The following PRSS38 variants were observed in gnomAD, a reference collection of about 807,000 sequenced individuals.
PRSS38 encodes the protein serine protease 38.
PRSS38 carries 22 observed loss-of-function variants against 26.8 expected under a neutral mutation model. The ratio of observed to expected loss-of-function variants is 0.82; its 90% CI spans 0.59 to 1.17. The LOEUF (loss-of-function observed/expected upper bound fraction) is 1.17. PRSS38 is among the 50% of genes most tolerant of loss of function. The pLI is 0.00. For missense variants in PRSS38, 427 were observed against 422.7 expected, an observed-to-expected ratio of 1.01 and a Z score of -0.09; for synonymous variants, 175 against 172.1, an observed-to-expected ratio of 1.02 and a Z score of -0.13.
At chr1:227,823,571 C>A (rs1665031529) in intron 3 of PRSS38, among the ~76,000 whole-genome samples, 1 of 152,134 alleles carries the variant, frequency 6.6e-6, no homozygotes, top group Non-Finnish European at 1.5e-5. Context: ...GGGGTGGATT[C>A]CTCATGAATG....
Position 227,816,049 on chromosome 1 carries a change from G to A in PRSS38, c.149-41G>A, listed in dbSNP as rs1664907608. The A allele has an allele frequency of 6.3e-7, 1 of 1,589,828 alleles. No individual in the cohort carries two copies. Among genetic ancestry groups the A allele is most frequent in the Non-Finnish European group, 8.6e-7 (1 of 1,164,640 alleles). ...CCCTGCCTGCCCTACCTCTCCCGTGGCCCCAGCATGGCTCCACCGTCAGCT... is the reference window on the plus strand; with the variant it reads ...CCCTGCCTGCCCTACCTCTCCCGTGACCCCAGCATGGCTCCACCGTCAGCT... On this transcript the variant is annotated intron_variant, in intron 1 of 4. Transcript: ENST00000366757. The surrounding 1 kb of genome is among the most constrained non-coding windows in gnomAD (Gnocchi z 5.1).
chr1:227,845,756 T>C, intron 4 of PRSS38, 144 bp downstream of exon 4: 19 of 1,206,594 alleles, frequency 1.6e-5, no homozygotes, highest in Non-Finnish European at 2.2e-5. Flanking sequence ...TGACAATGTG[T>C]GAACGCCGCA....
intron 3 of PRSS38, among the ~76,000 whole-genome samples, chr1:227,825,307 T>C (rs1287826507): frequency 6.6e-6 from 1 of 152,202 alleles, no homozygotes; most frequent in African/African-American, 2.4e-5. Flanking sequence ...TTGTCCTGCC[T>C]CAGCCTCTGG....
chr1:227,822,832 T>A (rs1467375093), intron 3 of PRSS38, among the ~76,000 whole-genome samples: 2 of 152,250 alleles, frequency 1.3e-5, no homozygotes, highest in Non-Finnish European at 2.9e-5. Flanking sequence ...CAGGTTTACT[T>A]ATGAGCATGT....
rs779451253 is a variant in PRSS38 at position 227,816,579 on chromosome 1, G to A, written c.311+327G>A. Among the ~76,000 whole-genome samples, 1 of 151,468 alleles carries A rather than the reference G, an allele frequency of 6.6e-6. No homozygotes were observed. The highest frequency in any genetic ancestry group is 1.9e-4 in the East Asian group (1 of 5,150). On this transcript the variant is annotated intron_variant, in intron 2 of 4. Transcript: ENST00000366757. This position sits in a 1 kb window ranked among gnomAD's most constrained non-coding sequence, Gnocchi z 5.1. ...CCATGAGCTAGGTTGGTCCTCAAAT[G>A]CACAGCCTGGTCCCCATGTGCAAGG...
intron 4 of PRSS38, 24 bp downstream of exon 4, chr1:227,845,636 A>T: frequency 1.9e-6 from 3 of 1,607,268 alleles, no homozygotes; most frequent in Non-Finnish European, 2.6e-6. Flanking sequence ...GGTCCATGAG[A>T]CAGAGGTCAT....
Position 227,816,087 on chromosome 1 carries a change from C to T in PRSS38, c.149-3C>T, listed in dbSNP as rs770632282. On this transcript the variant is annotated splice_polypyrimidine_tract_variant and splice_region_variant and intron_variant, in intron 1 of 4. Coordinates refer to ENST00000366757, the Ensembl canonical transcript of PRSS38. The surrounding 1 kb of genome is among the most constrained non-coding windows in gnomAD (Gnocchi z 5.1). ...TCCACCGTCAGCTCCGTTCTCCCTG[C>T]AGCCTGTGGTCGGCCCAGCATGGAG... 2 of 1,611,200 alleles carry T rather than the reference C, an allele frequency of 1.2e-6. No homozygotes were observed. The highest frequency in any genetic ancestry group is 1.3e-5 in the African/African-American group (1 of 74,840).
chr1:227,826,800 A>G (rs1174884119), intron 3 of PRSS38, among the ~76,000 whole-genome samples: 2 of 151,980 alleles, frequency 1.3e-5, no homozygotes, highest in Non-Finnish European at 2.9e-5. Context: ...TTGCCCATTC[A>G]GTATGATATT....
chr1:227,817,428 C>T, exon 3 of PRSS38: 1 of 1,614,150 alleles, frequency 6.2e-7, no homozygotes, highest in Non-Finnish European at 8.5e-7. Flanking sequence ...CAGAAGTGAA[C>T]CTTACCAGTG....
chr1:227,816,348 C>T lies in PRSS38; in HGVS notation c.311+96C>T, dbSNP rs1300685668. On this transcript the variant is annotated intron_variant, in intron 2 of 4. Coordinates refer to ENST00000366757, the Ensembl canonical transcript of PRSS38. The surrounding 1 kb of genome is among the most constrained non-coding windows in gnomAD (Gnocchi z 5.1). The stretch of plus-strand genomic sequence containing the variant: ...GACCCCACGCAAGCCTCCCCCATCA[C>T]CATTGTCGACTCCCTTCACCACTGT... The T allele has an allele frequency of 3.8e-6, 5 of 1,322,922 alleles. No individual in the cohort carries two copies. Among genetic ancestry groups the T allele is most frequent in the Non-Finnish European group, 4.2e-6 (4 of 954,632 alleles). The allele number at this position is 1,322,922 out of a possible 1,614,324, so 81.9% of individuals were successfully genotyped here. A position where few individuals can be genotyped will look rare whatever the true frequency, so the allele number is the denominator to read the frequency against.
chr1:227,815,777 C>T (rs1664900629), exon 1 of PRSS38: 2 of 1,612,014 alleles, frequency 1.2e-6, no homozygotes, highest in Admixed American at 1.7e-5. Context: ...CCTTCTGCTG[C>T]TGCTCCTGGT....
chr1:227,819,407 G>A (rs1664969655), intron 3 of PRSS38, among the ~76,000 whole-genome samples: 1 of 152,156 alleles, frequency 6.6e-6, no homozygotes, highest in Non-Finnish European at 1.5e-5. Context: ...TACAGGCTTT[G>A]AATTCTTACA....
At chr1:227,831,297 T>G (rs1003488852) in intron 3 of PRSS38, among the ~76,000 whole-genome samples, 2 of 152,236 alleles carry the variant, frequency 1.3e-5, no homozygotes, top group African/African-American at 2.4e-5. Context: ...TTCTTAATTT[T>G]AAGTATTTGG....
At chr1:227,820,794 GATTA>G (rs1440843905) in intron 3 of PRSS38, among the ~76,000 whole-genome samples, 1 of 152,090 alleles carries the variant, frequency 6.6e-6, no homozygotes, top group Non-Finnish European at 1.5e-5. Context: ...GATAAAGATT[GATTA>G]ATTCTTCTTT....
At position 227,816,294 on chromosome 1, in the gene PRSS38, T is replaced by C; in HGVS notation, c.311+42T>C. The C allele has an allele frequency of 1.3e-6, 2 of 1,580,884 alleles. No homozygotes were observed. Among genetic ancestry groups the C allele is most frequent in the Non-Finnish European group, 1.7e-6 (2 of 1,157,250 alleles). On this transcript the variant is annotated intron_variant, in intron 2 of 4. Transcript: ENST00000366757. This position sits in a 1 kb window ranked among gnomAD's most constrained non-coding sequence, Gnocchi z 5.1. ...CTGGGATGGTGTGGGTAGCTGGGCC[T>C]GCACGGAGTGCCCACAGCGGCTTGG... is the stretch of plus-strand genomic sequence containing the variant.
At chr1:227,833,724 G>T (rs1374879686) in intron 3 of PRSS38, among the ~76,000 whole-genome samples, 1 of 152,176 alleles carries the variant, frequency 6.6e-6, no homozygotes, top group Non-Finnish European at 1.5e-5. Flanking sequence ...GGAACAGTCT[G>T]TTCAACAAAT....
At chr1:227,835,365 G>GAGATC (rs796793639) in intron 3 of PRSS38, among the ~76,000 whole-genome samples, 10 of 152,246 alleles carry the variant, frequency 6.6e-5, no homozygotes, top group African/African-American at 2.4e-4. Flanking sequence ...CCAGGAGTTT[G>GAGATC]AGATCAGCCT....
chr1:227,821,974 A>G (rs1459463299), intron 3 of PRSS38, among the ~76,000 whole-genome samples: 1 of 152,132 alleles, frequency 6.6e-6, no homozygotes, highest in Non-Finnish European at 1.5e-5. Flanking sequence ...TATGTGGTTC[A>G]TTTGATGGTG....
At chr1:227,846,113 C>T (rs967462626) in exon 5 of PRSS38, 1 of 1,614,022 alleles carries the variant, frequency 6.2e-7, no homozygotes, top group African/African-American at 1.3e-5. Flanking sequence ...AGAAATCACG[C>T]CCACTCCTGC....
Sources: gnomAD v4.1 joint callset for allele counts (sites outside exome capture counted in the v4.1 genomes callset) on GRCh38, gnomAD v4.1.1 for gene constraint, Gnocchi (gnomAD v3.1) non-coding constraint, MANE v1.5 for transcripts, NCBI Gene and HGNC (gene_info 2026-07-23, HGNC 2026-07-21) for gene names.